Variants in ABCB10 observed in about 807,000 individuals in gnomAD.
ABCB10 encodes ATP-binding cassette sub-family B member 10, mitochondrial.
In ABCB10, 54 loss-of-function variants were observed where a neutral mutation model predicts 65.4. The observed-to-expected ratio is 0.83, with a 90% CI of 0.66 to 1.04. ABCB10 has a LOEUF of 1.04. Ranked by LOEUF, ABCB10 falls within the 50% of genes least tolerant of loss-of-function variation. ABCB10 has a pLI of 0.00. For synonymous variants in ABCB10, 418 were observed against 406.5 expected, an observed-to-expected ratio of 1.03 and a Z score of -0.34; for missense variants, 846 against 976.6, an observed-to-expected ratio of 0.87 and a Z score of 1.78.
chr1:229,526,932 A>G (rs1662459225), intron 9 of ABCB10, among the ~76,000 whole-genome samples: 1 of 152,158 alleles, frequency 6.6e-6, no homozygotes, highest in Admixed American at 6.5e-5. Flanking sequence ...AGTAAAAGCT[A>G]AAAAAGAGTC....
At position 229,539,584 on chromosome 1, in the gene ABCB10, A is replaced by G. The variant is rs1662795215; in HGVS notation, c.1211T>C (p.Leu404Pro). ...ARAGFFGATGLSGNLIVLSVL... is the reference protein window; with the variant it reads ...ARAGFFGATGPSGNLIVLSVL... ...AGAAAGCACGATCAGGTTTCCGGAG[A>G]GCCCAGTCTGTCGAATGAAGAAAAC... The change falls in exon 6 of 13, where the codon CTC (leucine) becomes CCC (proline). Residue 404 changes from leucine (L) to proline (P), a missense_variant. By Grantham distance (98) the Leu-to-Pro change is moderately conservative (BLOSUM62 -3). This residue lies in a region of ABCB10 where 632 missense variants were observed against 803.2 expected (regional missense o/e 0.79). Coordinates refer to ENST00000344517, the MANE Select transcript of ABCB10 (RefSeq NM_012089.3). 1 of 1,612,724 alleles carries G rather than the reference A, an allele frequency of 6.2e-7. No homozygotes were observed. The highest frequency in any genetic ancestry group is 1.3e-5 in the African/African-American group (1 of 74,896).
intron 9 of ABCB10, 58 bp from the exon 10 acceptor site, chr1:229,526,174 T>C (rs2102685511): frequency 6.6e-7 from 1 of 1,511,300 alleles, no homozygotes; most frequent in Non-Finnish European, 9.0e-7. Flanking sequence ...ACATGTCTAA[T>C]AAATTTAGAC....
chr1:229,549,033 A>T (rs1248898704), intron 2 of ABCB10, among the ~76,000 whole-genome samples: 3 of 152,178 alleles, frequency 2.0e-5, no homozygotes, highest in Non-Finnish European at 4.4e-5. Context: ...ACTATAAAAG[A>T]AGAGTTGAGA....
At chr1:229,541,295 C>T (rs112496242) in intron 4 of ABCB10, among the ~76,000 whole-genome samples, 6 of 152,222 alleles carry the variant, frequency 3.9e-5, no homozygotes, top group Non-Finnish European at 8.8e-5. Context: ...GGCGCAATCT[C>T]GGCTTACTGC....
chr1:229,539,226 A>G (rs1490175672), intron 6 of ABCB10, among the ~76,000 whole-genome samples: 3 of 152,208 alleles, frequency 2.0e-5, no homozygotes, highest in African/African-American at 7.2e-5. Context: ...GCTGAGCTAT[A>G]AGAGGCCTGC....
In ABCB10 at chr1:229,558,510, G is replaced by A. The variant is rs772417692; in HGVS notation, c.143C>T (p.Pro48Leu). ...GGGCCCCGCGCCCCATAGCCGCGCC[G>A]GCCTCAGGCCAGTGAACGGCGATAG... is the stretch of plus-strand genomic sequence containing the variant. ...GSLSPFTGLR[P>L]ARLWGAGPAL... The change falls in exon 1 of 13, where the codon CCG becomes CTG. Residue 48 changes from proline (P) to leucine (L), a missense_variant. Physicochemically the swap from Pro to Leu is moderately conservative, Grantham distance 98. This residue lies in a region of ABCB10 where 214 missense variants were observed against 173.5 expected (regional missense o/e 1.23). Coordinates refer to ENST00000344517, the MANE Select transcript of ABCB10 (RefSeq NM_012089.3). 14 of 1,390,186 alleles carry A rather than the reference G, an allele frequency of 1.0e-5. No individual in the cohort carries two copies. The South Asian group carries it at 1.7e-4, about 17-fold the overall frequency. 86.1% of individuals were successfully genotyped at this position (1,390,186 alleles called of 1,614,324 possible). A position where few individuals can be genotyped will look rare whatever the true frequency, so the allele number is the denominator to read the frequency against.
At chr1:229,544,574 G>C (rs994835814) in intron 3 of ABCB10, among the ~76,000 whole-genome samples, 1 of 152,162 alleles carries the variant, frequency 6.6e-6, no homozygotes, top group African/African-American at 2.4e-5. Context: ...TTGTGCAGGA[G>C]AAACAAAGTC....
At position 229,527,317 on chromosome 1, in the gene ABCB10, GAGGAA is replaced by G. The variant is rs55677147; in HGVS notation, c.1646-14_1646-10del. 1,603,602 of 1,606,716 alleles carry G rather than the reference GAGGAA, an allele frequency of 1. 800,245 individuals carry two copies. The highest frequency in any genetic ancestry group is 1 in the Middle Eastern group (6,024 of 6,024). On this transcript the variant is annotated splice_polypyrimidine_tract_variant and intron_variant, in intron 8 of 12. Transcript: ENST00000344517. ...ATCAAGACTAATAGTTCCTTGTTGAGAGGAAAGGAAAGGAAAGAGTCACTGAGTGT... is the reference window on the plus strand; with the variant it reads ...ATCAAGACTAATAGTTCCTTGTTGAGAGGAAAGGAAAGAGTCACTGAGTGT...
chr1:229,549,273 C>T lies in ABCB10; in HGVS notation c.679G>A (p.Ala227Thr), dbSNP rs753633599. ...AGGTAGACACGAATGGCATTGGCGG[C>T]AGCACCACACAGAAACACGGCACTG... ...GLSAVFLCGA[A>T]ANAIRVYLMQ... Residue 227 changes from alanine to threonine, a missense_variant, in exon 2 of 13, where the codon GCC becomes ACC. By Grantham distance (58) the Ala-to-Thr change is moderately conservative. Transcript: ENST00000344517. 1.8e-5 allele frequency: 29 copies of T among 1,614,102 alleles called. No homozygotes were observed. The South Asian group carries it at 3.2e-4, about 18-fold the overall frequency.
rs1298912723 is a variant in ABCB10, at chr1:229,521,119, G to A, written c.1950+473C>T. The stretch of plus-strand genomic sequence containing the variant: ...CTGAGAAGAACAGTTGTATAACAAA[G>A]GGAAGGCTATTGCTTCCTTAAAAAG... On this transcript the variant is annotated intron_variant, in intron 11 of 12. Transcript: ENST00000344517. Among the ~76,000 whole-genome samples, 4 of 151,894 alleles carry A rather than the reference G, an allele frequency of 2.6e-5. 1 individual carries two copies. Among genetic ancestry groups the A allele is most frequent in the Non-Finnish European group, 5.9e-5 (4 of 67,966 alleles).
At chr1:229,525,144 C>T (rs12024146) in intron 10 of ABCB10, among the ~76,000 whole-genome samples, 28,724 of 151,990 alleles carry the variant, frequency 0.19, 2,921 homozygotes, top group Middle Eastern at 0.27. Flanking sequence ...TGTGAGCCAC[C>T]GTGCCTGGCC....
At chr1:229,535,704 G>A (rs1264920812) in intron 6 of ABCB10, among the ~76,000 whole-genome samples, 1 of 151,558 alleles carries the variant, frequency 6.6e-6, no homozygotes, top group African/African-American at 2.4e-5. Context: ...TGGACTTTGG[G>A]TGTAATGCTG....
Position 229,558,141 on chromosome 1 carries a change from A to G in ABCB10, c.512T>C (p.Leu171Pro). ...GTGGCCGGGGAGGACCCTACCTGCC[A>G]GCCTCCGGCGCTCAGGGTACGCCAG... The part of the protein sequence containing the change: ...LGLAYPERRR[L>P]AAAVGFLTMS... The change falls in exon 1 of 13, where the codon CTG becomes CCG. Residue 171 changes from leucine (L) to proline (P), a missense_variant. By Grantham distance (98) the Leu-to-Pro change is moderately conservative. This residue lies in a region of ABCB10 where 632 missense variants were observed against 803.2 expected (regional missense o/e 0.79). Transcript: ENST00000344517. The G allele has an allele frequency of 7.1e-7, 1 of 1,408,934 alleles. No homozygotes were observed. Among genetic ancestry groups the G allele is most frequent in the Non-Finnish European group, 9.2e-7 (1 of 1,084,918 alleles). 87.3% of individuals were successfully genotyped at this position (1,408,934 alleles called of 1,614,324 possible).
Position 229,558,511 on chromosome 1 carries a change from G to A in ABCB10, c.142C>T (p.Pro48Ser). ...GSLSPFTGLR[P>S]ARLWGAGPAL... Reference sequence around the variant, plus strand: ...GGCCCCGCGCCCCATAGCCGCGCCGGCCTCAGGCCAGTGAACGGCGATAGG... The same window carrying A: ...GGCCCCGCGCCCCATAGCCGCGCCGACCTCAGGCCAGTGAACGGCGATAGG... Residue 48 changes from proline (P) to serine (S), a missense_variant, in exon 1 of 13, where the codon CCG becomes TCG. This residue lies in a region of ABCB10 where 214 missense variants were observed against 173.5 expected (regional missense o/e 1.23). Transcript: ENST00000344517. 6.5e-6 allele frequency: 9 copies of A among 1,394,116 alleles called. No homozygotes were observed. The highest frequency in any genetic ancestry group is 2.8e-5 in the Admixed American group (1 of 36,042). The allele number at this position is 1,394,116 out of a possible 1,614,324, so 86.4% of individuals were successfully genotyped here.
chr1:229,526,070 C>A lies in ABCB10; in HGVS notation c.1772G>T (p.Gly591Val), dbSNP rs1662435852. The A allele has an allele frequency of 1.2e-6, 2 of 1,614,024 alleles. No homozygotes were observed. The highest frequency in any genetic ancestry group is 2.2e-5 in the South Asian group (2 of 91,074). Residue 591 changes from glycine to valine, a missense_variant, in exon 10 of 13, where the codon GGT (glycine) becomes GTT (valine). By Grantham distance (109) the Gly-to-Val change is moderately radical (BLOSUM62 -3). Coordinates refer to ENST00000344517, the MANE Select transcript of ABCB10 (RefSeq NM_012089.3). ...GGTCACAGAGGAAGGGTCATCAGCA[C>A]CATAAGCAATGTTCTCAGCAATAGA... ...SCSIAENIAY[G>V]ADDPSSVTAE...
rs561067809 is a variant in ABCB10 at position 229,519,207 on chromosome 1, C to T, written c.1951-332G>A. ...TTCTAAAATTGTGATGATGGATGCACAACACAGAATACACTAAAAACCAAT... is the reference window on the plus strand; with the variant it reads ...TTCTAAAATTGTGATGATGGATGCATAACACAGAATACACTAAAAACCAAT... On this transcript the variant is annotated intron_variant, in intron 11 of 12. Transcript: ENST00000344517. The T allele has an allele frequency of 1.9e-4, 39 of 204,942 alleles. 2 individuals are homozygous for T. The South Asian group carries it at 5.1e-3, about 27-fold the overall frequency. 12.7% of individuals were successfully genotyped at this position (204,942 alleles called of 1,614,324 possible).
intron 9 of ABCB10, among the ~76,000 whole-genome samples, chr1:229,526,628 C>G (rs574177145): frequency 6.6e-6 from 1 of 152,328 alleles, no homozygotes; most frequent in African/African-American, 2.4e-5. Flanking sequence ...AGAGGATGAG[C>G]TAATCACAAA....
In ABCB10 at chr1:229,542,284, G is replaced by A. The variant is rs1033424395; in HGVS notation, c.1009C>T (p.Arg337Trp). 24 of 1,613,944 alleles carry A rather than the reference G, an allele frequency of 1.5e-5. No homozygotes were observed. The highest frequency in any genetic ancestry group is 6.7e-5 in the East Asian group (3 of 44,888). The change falls in exon 4 of 13, where the codon CGG (arginine) becomes TGG (tryptophan). Residue 337 changes from arginine to tryptophan, a missense_variant. By Grantham distance (101) the Arg-to-Trp change is moderately radical. Transcript: ENST00000344517. Reference sequence around the variant, plus strand: ...TCCTGAGTGACTTTGGTCAGTTTCCGTAGATATCGCCCATAAATTACAGCA... The same window carrying A: ...TCCTGAGTGACTTTGGTCAGTTTCCATAGATATCGCCCATAAATTACAGCA... ...IIAVIYGRYL[R>W]KLTKVTQDSL...
chr1:229,546,688 T>C (rs748446919), intron 3 of ABCB10, among the ~76,000 whole-genome samples: 6 of 151,790 alleles, frequency 4.0e-5, no homozygotes, highest in East Asian at 3.9e-4. Context: ...CTGGGCAACA[T>C]AGAGAGACCC....
Sources: allele counts gnomAD v4.1 joint callset (sites outside exome capture counted in the v4.1 genomes callset), GRCh38; gene constraint gnomAD v4.1.1; regional missense constraint gnomAD v4.1.1; transcripts MANE v1.5; gene names NCBI Gene and HGNC (gene_info 2026-07-23, HGNC 2026-07-21).